ARHGEF37: variants seen among roughly 807,000 people sequenced by gnomAD.
ARHGEF37 encodes the protein Rho guanine nucleotide exchange factor (GEF) 37.
Under a neutral mutation model 71.1 loss-of-function variants are expected in ARHGEF37, and 55 were observed. The ratio of observed to expected loss-of-function variants is 0.77; its 90% CI spans 0.62 to 0.97. The LOEUF is 0.97. Ranked by LOEUF, ARHGEF37 falls within the 50% of genes least tolerant of loss-of-function variation. The pLI is 0.00. For missense variants in ARHGEF37, 765 were observed against 836.8 expected (o/e 0.91, Z 1.06); for synonymous variants, 327 against 350.6 (o/e 0.93, Z 0.75).
chr5:149,571,232 G>A (rs1041264463), intron 1 of ARHGEF37, among the ~76,000 whole-genome samples: 2 of 151,982 alleles, frequency 1.3e-5, no homozygotes, highest in East Asian at 1.9e-4. Flanking sequence ...ATGAGCCACC[G>A]CGTCCGGCCA....
intron 1 of ARHGEF37, among the ~76,000 whole-genome samples, chr5:149,555,952 A>T (rs57165531): frequency 0.63 from 95,662 of 151,880 alleles, 31,348 homozygotes; most frequent in East Asian, 0.9. Flanking sequence ...AGACCACATC[A>T]CTACAAAAAT....
intron 4 of ARHGEF37, among the ~76,000 whole-genome samples, chr5:149,614,327 A>G (rs544858855): frequency 4.9e-4 from 74 of 152,106 alleles, no homozygotes; most frequent in African/African-American, 1.6e-3. Context: ...AGATCTTGCC[A>G]GTTGATACTC....
chr5:149,579,712 G>A (rs957671396), upstream of ARHGEF37, among the ~76,000 whole-genome samples: 3 of 151,968 alleles, frequency 2.0e-5, no homozygotes, highest in African/African-American at 7.3e-5. Context: ...CTCCTGAGTA[G>A]CTGGGATTAC....
At position 149,624,023 on chromosome 5, in the gene ARHGEF37, C is replaced by T; in HGVS notation, c.1347C>T (p.His449=). The T allele has an allele frequency of 6.3e-7, 1 of 1,599,228 alleles. No individual in the cohort carries two copies. Among genetic ancestry groups the T allele is most frequent in the Non-Finnish European group, 8.6e-7 (1 of 1,168,018 alleles). ...CTGTCCCCACTTAGCTGCCCCACCACCACGTCCCAGAGCCTGCCTTCAGGA... is the reference window on the plus strand; with the variant it reads ...CTGTCCCCACTTAGCTGCCCCACCATCACGTCCCAGAGCCTGCCTTCAGGA... ...AEGSMAQLPH[H]HVPEPAFRKL... The change falls in exon 10 of 13, where the codon CAC becomes CAT. Residue 449 remains histidine (H), a synonymous_variant. Coordinates refer to ENST00000333677, the MANE Select transcript of ARHGEF37 (RefSeq NM_001001669.3).
At chr5:149,573,458 G>A (rs1762991126) in intron 1 of ARHGEF37, among the ~76,000 whole-genome samples, 1 of 152,100 alleles carries the variant, frequency 6.6e-6, no homozygotes, top group African/African-American at 2.4e-5. Flanking sequence ...CTGCTAAAAT[G>A]TTCTCTCCAT....
intron 12 of ARHGEF37, 37 bp from the exon 13 acceptor site, chr5:149,631,945 C>T: frequency 6.2e-7 from 1 of 1,605,570 alleles, no homozygotes; most frequent in South Asian, 1.1e-5. Context: ...TACCTTCTCA[C>T]CCTGACCATT....
rs1469276468 is a variant in ARHGEF37 at position 149,591,346 on chromosome 5, G to A, written c.-11-6413G>A. ...AATCCACCCACCTCGGCCTCCCAAA[G>A]TTTGAGGATTACAGGCGTGAGCCAC... On this transcript the variant is annotated intron_variant, in intron 1 of 12. Coordinates refer to ENST00000333677, the MANE Select transcript of ARHGEF37 (RefSeq NM_001001669.3). Among the ~76,000 whole-genome samples the A allele has an allele frequency of 3.9e-5, 6 of 152,114 alleles. No individual in the cohort carries two copies. The South Asian group carries it at 6.2e-4, about 16-fold the overall frequency.
intron 10 of ARHGEF37, among the ~76,000 whole-genome samples, chr5:149,626,241 AACACACACACACACACACAC>A (rs58263212): frequency 4.5e-5 from 6 of 133,744 alleles, no homozygotes; most frequent in South Asian, 5.2e-4. Flanking sequence ...GAGCATGGTG[AACACACACACACACACACAC>A]ACACACACAC....
intron 1 of ARHGEF37, among the ~76,000 whole-genome samples, chr5:149,591,373 G>A (rs1045025783): frequency 1.3e-5 from 2 of 152,056 alleles, no homozygotes; most frequent in African/African-American, 2.4e-5. Context: ...GTGAGCCACC[G>A]TGCTCGGCCA....
chr5:149,602,750 A>G (rs1191208526), intron 3 of ARHGEF37, among the ~76,000 whole-genome samples: 1 of 151,972 alleles, frequency 6.6e-6, no homozygotes, highest in Non-Finnish European at 1.5e-5. Flanking sequence ...GGGATTTCCT[A>G]GTGGAGTCAG....
At chr5:149,563,290 C>T (rs186094679) in intron 1 of ARHGEF37, among the ~76,000 whole-genome samples, 1 of 152,284 alleles carries the variant, frequency 6.6e-6, no homozygotes, top group Non-Finnish European at 1.5e-5. Flanking sequence ...CTTTCTACAC[C>T]CTTCTTGCTT....
In ARHGEF37 at chr5:149,634,596, A is replaced by G. The variant is rs1010445663; in HGVS notation, c.*2405A>G. 4.6e-5 allele frequency: 7 copies of G among 152,660 alleles called. No homozygotes were observed. The highest frequency in any genetic ancestry group is 1.7e-4 in the African/African-American group (7 of 41,462). 9.5% of individuals were successfully genotyped at this position (152,660 alleles called of 1,614,324 possible). A position where few individuals can be genotyped will look rare whatever the true frequency, so the allele number is the denominator to read the frequency against. ...AAGAGTGGGAAAATGCATGTTGAGA[A>G]GATGAGAATGGCCTGTATTTTCTCC... On this transcript the variant is annotated 3_prime_UTR_variant, in exon 13 of 13. Transcript: ENST00000333677.
In ARHGEF37 at chr5:149,627,125, A is replaced by G. The variant is rs778194983; in HGVS notation, c.1514A>G (p.Tyr505Cys). The G allele has an allele frequency of 1.2e-5, 19 of 1,614,018 alleles. No individual in the cohort carries two copies. The highest frequency in any genetic ancestry group is 1.5e-5 in the Non-Finnish European group (18 of 1,180,034). Reference sequence around the variant, plus strand: ...CAGGTGCAGGCTCTCCTGAGCAGGTATGGCCCTGGGAAGCTGTACCAGGTG... The same window carrying G: ...CAGGTGCAGGCTCTCCTGAGCAGGTGTGGCCCTGGGAAGCTGTACCAGGTG... ...ERQVQALLSR[Y>C]GPGKLYQVTS... Residue 505 changes from tyrosine (Y) to cysteine (C), a missense_variant, in exon 11 of 13, where the codon TAT (tyrosine) becomes TGT (cysteine). Coordinates refer to ENST00000333677, the MANE Select transcript of ARHGEF37 (RefSeq NM_001001669.3).
chr5:149,554,885 C>T (rs1410681558), intron 1 of ARHGEF37, among the ~76,000 whole-genome samples: 1 of 152,050 alleles, frequency 6.6e-6, no homozygotes, highest in Non-Finnish European at 1.5e-5. Context: ...GTAATCCCAG[C>T]ACTTTGGGAG....
At chr5:149,600,194 T>A (rs1194994042) in intron 2 of ARHGEF37, among the ~76,000 whole-genome samples, 1 of 152,240 alleles carries the variant, frequency 6.6e-6, no homozygotes, top group Admixed American at 6.5e-5. Context: ...AGTAAAAATA[T>A]GATATTATAA....
At chr5:149,592,865 G>T (rs1763451001) in intron 1 of ARHGEF37, among the ~76,000 whole-genome samples, 1 of 152,198 alleles carries the variant, frequency 6.6e-6, no homozygotes, top group Non-Finnish European at 1.5e-5. Flanking sequence ...CGTCTCCTGG[G>T]TTCAAGCAAT....
chr5:149,627,346 C>T (rs1194465542), intron 11 of ARHGEF37, 75 bp downstream of exon 11: 1 of 1,507,870 alleles, frequency 6.6e-7, no homozygotes, highest in African/African-American at 1.4e-5. Flanking sequence ...GAGACCCGGG[C>T]ACTCTTGTGG....
chr5:149,578,701 C>A (rs910184562), upstream of ARHGEF37, among the ~76,000 whole-genome samples: 1 of 152,048 alleles, frequency 6.6e-6, no homozygotes, highest in Non-Finnish European at 1.5e-5. Context: ...GAAGTGAAAG[C>A]GAACCCTTTT....
At chr5:149,561,443 A>G (rs34397621) in intron 1 of ARHGEF37, among the ~76,000 whole-genome samples, 3,682 of 152,286 alleles carry the variant, frequency 0.024, 77 homozygotes, top group East Asian at 0.091. Context: ...TTACTCTTCA[A>G]CGTAGTCTAA....
Sources: allele counts gnomAD v4.1 joint callset (sites outside exome capture counted in the v4.1 genomes callset), GRCh38; gene constraint gnomAD v4.1.1; transcripts MANE v1.5; gene names NCBI Gene and HGNC (gene_info 2026-07-23, HGNC 2026-07-21).